ENPP2: variants seen among roughly 807,000 people sequenced by gnomAD.
ENPP2 encodes the protein ectonucleotide pyrophosphatase/phosphodiesterase 2.
Under a neutral mutation model 120.2 loss-of-function variants are expected in ENPP2, and 51 were observed. The ratio of observed to expected loss-of-function variants is 0.42; its 90% CI spans 0.34 to 0.54. The LOEUF is 0.54. Ranked by LOEUF, ENPP2 falls within the 20% of genes least tolerant of loss-of-function variation. The pLI is 0.04. For synonymous variants in ENPP2, 365 were observed against 366.4 expected, an observed-to-expected ratio of 1.00 and a Z score of 0.04; for missense variants, 920 against 1,066.5, an observed-to-expected ratio of 0.86 and a Z score of 1.91.
At chr8:119,662,526 A>G (rs1817951145) in intron 1 of ENPP2, among the ~76,000 whole-genome samples, 1 of 152,172 alleles carries the variant, frequency 6.6e-6, no homozygotes, top group Non-Finnish European at 1.5e-5. Flanking sequence ...AGGTGTTCAA[A>G]CAAGCCCTCC....
chr8:119,606,161 A>G (rs967038683), intron 9 of ENPP2, among the ~76,000 whole-genome samples: 1 of 152,236 alleles, frequency 6.6e-6, no homozygotes, highest in Middle Eastern at 3.4e-3. Context: ...CTATTTTTTT[A>G]AAGTTGTAAA....
At chr8:119,657,948 C>T (rs539923419) in intron 1 of ENPP2, among the ~76,000 whole-genome samples, 3 of 152,308 alleles carry the variant, frequency 2.0e-5, no homozygotes, top group South Asian at 2.1e-4. Context: ...ACACACACAA[C>T]GTGGCTCATC....
chr8:119,570,716 C>A lies in ENPP2; in HGVS notation c.1906G>T (p.Val636Phe). ...ATTTTCTCAATGACCTGTTTGGAAA[C>A]AGTATATGATGTCCAGAGTGGCATT... ...FLMPLWTSYT[V>F]SKQAEVSSVP... Residue 636 changes from valine (V) to phenylalanine (F), a missense_variant, in exon 20 of 25, where the codon GTT (valine) becomes TTT (phenylalanine). Val to Phe is a conservative substitution (Grantham distance 50, BLOSUM62 -1). Coordinates refer to ENST00000075322, the MANE Select transcript of ENPP2 (RefSeq NM_001040092.3). 6.4e-7 allele frequency: 1 copy of A among 1,551,980 alleles called. No homozygotes were observed. The highest frequency in any genetic ancestry group is 2.4e-5 in the East Asian group (1 of 42,382).
intron 11 of ENPP2, among the ~76,000 whole-genome samples, chr8:119,595,273 G>A (rs367864597): frequency 3.9e-5 from 6 of 152,174 alleles, no homozygotes; most frequent in African/African-American, 1.4e-4. Context: ...AAAGGTTTTA[G>A]GAAAAGCAAC....
upstream of ENPP2, among the ~76,000 whole-genome samples, chr8:119,642,265 T>G (rs1286063466): frequency 1.3e-5 from 2 of 152,238 alleles, no homozygotes; most frequent in Non-Finnish European, 2.9e-5. Context: ...ATCACTCTAG[T>G]AAATTTTTTT....
chr8:119,625,019 A>G (rs1465517213), intron 3 of ENPP2, among the ~76,000 whole-genome samples: 3 of 152,224 alleles, frequency 2.0e-5, no homozygotes, highest in African/African-American at 7.2e-5. Context: ...GGCATGAACT[A>G]CATTCAAAAG....
At chr8:119,572,032 G>A in intron 19 of ENPP2, 1 of 607,606 alleles carries the variant, frequency 1.6e-6, no homozygotes. Context: ...CCAAATTTGG[G>A]GACCCACCCC....
chr8:119,668,429 C>CTTTTTT (rs5894492), intron 1 of ENPP2, among the ~76,000 whole-genome samples: 335 of 110,502 alleles, frequency 3.0e-3, no homozygotes, highest in Non-Finnish European at 3.9e-3. Context: ...TTTTCTTTTT[C>CTTTTTT]TTTTTTTTTT....
chr8:119,665,894 G>T (rs932968053), intron 1 of ENPP2, among the ~76,000 whole-genome samples: 3 of 152,104 alleles, frequency 2.0e-5, no homozygotes, highest in African/African-American at 7.2e-5. Flanking sequence ...TGTTTGTCTT[G>T]GGAGTTGGTC....
intron 4 of ENPP2, 92 bp downstream of exon 4, chr8:119,621,302 C>A (rs1815877273): frequency 2.7e-6 from 3 of 1,100,600 alleles, no homozygotes; most frequent in Non-Finnish European, 4.1e-6. Flanking sequence ...AAACTCATAT[C>A]CAGTGTGGTC....
At chr8:119,673,183 G>A in intron 1 of ENPP2, 1 of 1,353,306 alleles carries the variant, frequency 7.4e-7, no homozygotes, top group Non-Finnish European at 1.0e-6. Flanking sequence ...TTTTCTGCTT[G>A]ACAGAATGGC....
intron 2 of ENPP2, among the ~76,000 whole-genome samples, chr8:119,629,703 C>T (rs1289657139): frequency 6.6e-6 from 1 of 152,054 alleles, no homozygotes; most frequent in Non-Finnish European, 1.5e-5. Flanking sequence ...GTCCATAAAG[C>T]ACATTTTTCT....
chr8:119,561,579 G>C (rs940561258), intron 24 of ENPP2, among the ~76,000 whole-genome samples: 2 of 152,112 alleles, frequency 1.3e-5, no homozygotes, highest in African/African-American at 4.8e-5. Flanking sequence ...TGTCAAGTTA[G>C]TACAGGGCCA....
chr8:119,633,970 G>T (rs1816839611), intron 2 of ENPP2, among the ~76,000 whole-genome samples: 1 of 151,992 alleles, frequency 6.6e-6, no homozygotes, highest in African/African-American at 2.4e-5. Context: ...ATCACCTGAG[G>T]TCAGGAGTTC....
intron 24 of ENPP2, 32 bp downstream of exon 24, chr8:119,562,825 C>A: frequency 6.2e-7 from 1 of 1,601,084 alleles, no homozygotes; most frequent in Non-Finnish European, 8.5e-7. Context: ...ACTATGGAAG[C>A]AAATCCTAAA....
rs764975897 is a variant in ENPP2, at chr8:119,582,582, C to T, written c.1564G>A (p.Ala522Thr). ...VMCDLLGLKP[A>T]PNNGTHGSLN... ...CTTCCATGGGTCCCATTATTAGGAGCTGGCTTCAATCCCAGGAGATCTAAT... is the reference window on the plus strand; with the variant it reads ...CTTCCATGGGTCCCATTATTAGGAGTTGGCTTCAATCCCAGGAGATCTAAT... The change falls in exon 18 of 25, where the codon GCT becomes ACT. Residue 522 changes from alanine (A) to threonine (T), a missense_variant. Physicochemically the swap from Ala to Thr is moderately conservative, Grantham distance 58. Transcript: ENST00000075322. The T allele has an allele frequency of 3.1e-6, 5 of 1,613,018 alleles. No homozygotes were observed. The Admixed American group carries it at 8.3e-5, about 27-fold the overall frequency.
At chr8:119,592,148 A>T (rs1813549258) in intron 12 of ENPP2, among the ~76,000 whole-genome samples, 1 of 152,172 alleles carries the variant, frequency 6.6e-6, no homozygotes, top group Admixed American at 6.5e-5. Flanking sequence ...TTTGAACTCC[A>T]CTAAAATTCA....
intron 3 of ENPP2, 33 bp downstream of exon 3, chr8:119,626,532 C>T: frequency 6.3e-7 from 1 of 1,599,312 alleles, no homozygotes; most frequent in South Asian, 1.1e-5. Flanking sequence ...AAGCCATCTA[C>T]TTGAAGGTAG....
chr8:119,605,430 A>ATGTGTGTGTG (rs573767269), intron 9 of ENPP2, among the ~76,000 whole-genome samples: 405 of 133,790 alleles, frequency 3.0e-3, no homozygotes, highest in African/African-American at 0.011. Context: ...GATACCATAT[A>ATGTGTGTGTG]TGTGTGTGTG....
Sources: allele counts gnomAD v4.1 joint callset (sites outside exome capture counted in the v4.1 genomes callset), GRCh38; gene constraint gnomAD v4.1.1; transcripts MANE v1.5; gene names NCBI Gene and HGNC (gene_info 2026-07-23, HGNC 2026-07-21).